CDH1: variants seen among roughly 807,000 people sequenced by gnomAD.
CDH1 encodes cadherin 1.
A neutral mutation model predicts 84.5 loss-of-function variants in CDH1; 35 were observed. That is an observed-to-expected ratio of 0.41 (90% confidence interval 0.32 to 0.55). The LOEUF (loss-of-function observed/expected upper bound fraction) is 0.55, where lower values mean the gene tolerates loss of function less well. CDH1 is among the 20% of genes least tolerant of loss of function. CDH1 has a pLI of 0.19. For synonymous variants in CDH1, 417 were observed against 439.0 expected (o/e 0.95, Z 0.63); for missense variants, 994 against 1,126.6 (o/e 0.88, Z 1.68).
At chr16:68,824,003 T>C (rs1961250266) in intron 13 of CDH1, among the ~76,000 whole-genome samples, 1 of 147,340 alleles carries the variant, frequency 6.8e-6, no homozygotes, top group Admixed American at 6.7e-5. Context: ...TTTTTTTTTT[T>C]TTTTTTTTTT....
At chr16:68,751,912 G>T (rs1962891401) in intron 2 of CDH1, among the ~76,000 whole-genome samples, 1 of 150,798 alleles carries the variant, frequency 6.6e-6, no homozygotes, top group East Asian at 1.9e-4. Flanking sequence ...TGGGATTATA[G>T]GTGCCTGCCC....
chr16:68,749,589 C>G (rs1962836678), intron 2 of CDH1, among the ~76,000 whole-genome samples: 1 of 152,212 alleles, frequency 6.6e-6, no homozygotes, highest in South Asian at 2.1e-4. Flanking sequence ...AGAGTGGGTC[C>G]TGCCAGTGAC....
chr16:68,777,783 G>A (rs1959775201), intron 2 of CDH1, among the ~76,000 whole-genome samples: 1 of 152,038 alleles, frequency 6.6e-6, no homozygotes. Flanking sequence ...CCAGGCTGGA[G>A]TGCAGTGGCA....
intron 14 of CDH1, among the ~76,000 whole-genome samples, chr16:68,829,181 T>C (rs1236714231): frequency 2.0e-5 from 3 of 152,190 alleles, no homozygotes; most frequent in Non-Finnish European, 2.9e-5. Context: ...GCTGAATGGC[T>C]CTAACCTGTG....
At chr16:68,771,859 G>A (rs1024227349) in intron 2 of CDH1, among the ~76,000 whole-genome samples, 2 of 152,046 alleles carry the variant, frequency 1.3e-5, no homozygotes, top group Admixed American at 1.3e-4. Context: ...GGGATTACAG[G>A]CGCGAGCCAC....
At chr16:68,778,476 C>T (rs1420697902) in intron 2 of CDH1, among the ~76,000 whole-genome samples, 2 of 152,162 alleles carry the variant, frequency 1.3e-5, no homozygotes, top group African/African-American at 4.8e-5. Flanking sequence ...GAGCTCCAGT[C>T]CTGAGCTTTT....
chr16:68,768,087 C>G (rs1959441246), intron 2 of CDH1, among the ~76,000 whole-genome samples: 1 of 152,088 alleles, frequency 6.6e-6, no homozygotes. Context: ...GCTGGGATTA[C>G]AGGCATGCGT....
At chr16:68,825,467 T>C (rs1041963848) in intron 13 of CDH1, among the ~76,000 whole-genome samples, 1 of 152,196 alleles carries the variant, frequency 6.6e-6, no homozygotes, top group Non-Finnish European at 1.5e-5. Flanking sequence ...GTGCCATTGA[T>C]CCTGCTGCTG....
At chr16:68,773,514 G>A (rs1052463033) in intron 2 of CDH1, among the ~76,000 whole-genome samples, 1 of 152,160 alleles carries the variant, frequency 6.6e-6, no homozygotes, top group Non-Finnish European at 1.5e-5. Flanking sequence ...GGCCAGGCTG[G>A]TCTCGAACTC....
rs928150149 is a variant in CDH1, at chr16:68,831,029, G to A, written c.2439+1232G>A. On this transcript the variant is annotated intron_variant, in intron 15 of 15. Transcript: ENST00000261769. ...CTTGTCTGATGGTCCAGTGGCCCTC[G>A]GTGAGTCTTCATGGTGAGGTCTGTG... 4.6e-5 allele frequency among the ~76,000 whole-genome samples: 7 copies of A among 150,700 alleles called. No homozygotes were observed. The South Asian group carries it at 6.3e-4, about 14-fold the overall frequency.
intron 1 of CDH1, 121 bp from the exon 2 acceptor site, chr16:68,738,176 G>C (rs1031598758): frequency 4.5e-6 from 3 of 667,990 alleles, no homozygotes; most frequent in African/African-American, 3.7e-5. Flanking sequence ...CCGGGGCTGC[G>C]GGCTGGGGTC....
intron 3 of CDH1, among the ~76,000 whole-genome samples, chr16:68,805,012 T>C (rs1960620610): frequency 6.9e-6 from 1 of 145,910 alleles, no homozygotes; most frequent in African/African-American, 2.5e-5. Flanking sequence ...TTTTTTTTTT[T>C]TTTTTTTGTA....
At chr16:68,822,674 T>C in intron 12 of CDH1, 1 of 337,848 alleles carries the variant, frequency 3.0e-6, no homozygotes, top group Non-Finnish European at 5.7e-6. Context: ...TTCCTACACC[T>C]ACTTCTCTCT....
chr16:68,775,417 G>T (rs769939264), intron 2 of CDH1, among the ~76,000 whole-genome samples: 20 of 152,102 alleles, frequency 1.3e-4, no homozygotes, highest in Non-Finnish European at 2.8e-4. Context: ...ACTCTCACAT[G>T]CAAGTCATTT....
At chr16:68,823,249 A>AG (rs1961217583) in intron 12 of CDH1, 150 bp from the exon 13 acceptor site, 1 of 636,264 alleles carries the variant, frequency 1.6e-6, no homozygotes, top group African/African-American at 1.8e-5. Flanking sequence ...AAAAAAAAAA[A>AG]AAAAAAGTAC....
chr16:68,763,821 G>A (rs1959293029), intron 2 of CDH1, among the ~76,000 whole-genome samples: 1 of 152,190 alleles, frequency 6.6e-6, no homozygotes, highest in Admixed American at 6.5e-5. Flanking sequence ...TACAAGTGCA[G>A]ACTGCACCCC....
intron 2 of CDH1, among the ~76,000 whole-genome samples, chr16:68,762,593 C>G (rs544268184): frequency 3.2e-4 from 48 of 152,200 alleles, no homozygotes; most frequent in Non-Finnish European, 6.6e-4. Context: ...TTTTGCTCCT[C>G]TCAGAAACAA....
chr16:68,787,844 T>TTTTTTTTTTTG (rs1960101759), intron 2 of CDH1, among the ~76,000 whole-genome samples: 2 of 145,610 alleles, frequency 1.4e-5, no homozygotes, highest in Non-Finnish European at 3.0e-5. Context: ...TTTTTTTTTT[T>TTTTTTTTTTTG]GAGACAGTTT....
intron 2 of CDH1, among the ~76,000 whole-genome samples, chr16:68,797,288 G>A (rs755579953): frequency 1.3e-5 from 2 of 152,220 alleles, no homozygotes; most frequent in Admixed American, 6.5e-5. Flanking sequence ...TGGAGGATGA[G>A]GTGGGAGGAT....
Sources: allele counts gnomAD v4.1 joint callset (sites outside exome capture counted in the v4.1 genomes callset), GRCh38; gene constraint gnomAD v4.1.1; transcripts MANE v1.5; gene names NCBI Gene and HGNC (gene_info 2026-07-23, HGNC 2026-07-21).